Variants in SPOCK1 observed in about 807,000 individuals in gnomAD.
The protein encoded by SPOCK1 is SPARC (osteonectin), cwcv and kazal like domains proteoglycan 1.
In SPOCK1, 23 loss-of-function variants were observed where a neutral mutation model predicts 55.3. The observed-to-expected ratio is 0.42, with a 90% CI of 0.30 to 0.59. The LOEUF is 0.59. SPOCK1 is among the 20% of genes least tolerant of loss of function. SPOCK1 has a pLI of 0.22. For missense variants in SPOCK1, 499 were observed against 552.5 expected (o/e 0.90, Z 0.97); for synonymous variants, 226 against 221.0 (o/e 1.02, Z -0.20).
intron 2 of SPOCK1, among the ~76,000 whole-genome samples, chr5:137,356,873 A>AGAGAGAGAGAGAGAGAGAGAGAGAGTGT (rs796667572): frequency 1.4e-5 from 1 of 69,824 alleles, no homozygotes; most frequent in African/African-American, 7.3e-5. Context: ...AGAGAGAGAG[A>AGAGAGAGAGAGAGAGAGAGAGAGAGTGT]GAGTATGCAG....
At chr5:137,327,385 C>T (rs1214415738) in intron 2 of SPOCK1, among the ~76,000 whole-genome samples, 1 of 152,124 alleles carries the variant, frequency 6.6e-6, no homozygotes, top group East Asian at 1.9e-4. Flanking sequence ...TTTTTATAAT[C>T]TTATAAACAA....
chr5:137,333,655 T>C lies in SPOCK1; in HGVS notation c.187-66600A>G, dbSNP rs570996383. Among the ~76,000 whole-genome samples, 13 of 152,334 alleles carry C rather than the reference T, an allele frequency of 8.5e-5. 1 individual carries two copies. Among genetic ancestry groups the C allele is most frequent in the African/African-American group, 3.1e-4 (13 of 41,572 alleles). On this transcript the variant is annotated intron_variant, in intron 2 of 10. Coordinates refer to ENST00000394945, the MANE Select transcript of SPOCK1 (RefSeq NM_004598.4). ...AGTAAGAGATCCTTCAGAATTCAAG[T>C]GCTCAGGCACTGGTACTTGGCAAGG...
At position 137,118,734 on chromosome 5, in the gene SPOCK1, C is replaced by T. The variant is rs565762007; in HGVS notation, c.348-6173G>A. Among the ~76,000 whole-genome samples, 27 of 152,266 alleles carry T rather than the reference C, an allele frequency of 1.8e-4. No individual in the cohort carries two copies. In the South Asian group the frequency reaches 3.1e-3, roughly 18 times the overall value. ...TAATGGGGAAAGTAGCTGCTAAAAACGTGTAGAATTGCTGACTTTTTCTTT... is the reference window on the plus strand; with the variant it reads ...TAATGGGGAAAGTAGCTGCTAAAAATGTGTAGAATTGCTGACTTTTTCTTT... On this transcript the variant is annotated intron_variant, in intron 4 of 10. Coordinates refer to ENST00000394945, the MANE Select transcript of SPOCK1 (RefSeq NM_004598.4).
At chr5:137,428,929 A>G (rs1461394124) in intron 2 of SPOCK1, among the ~76,000 whole-genome samples, 1 of 152,084 alleles carries the variant, frequency 6.6e-6, no homozygotes, top group Non-Finnish European at 1.5e-5. Flanking sequence ...ACTCCCTCCA[A>G]CCTGAGTGCC....
At chr5:137,013,152 T>A (rs1432824102) in intron 6 of SPOCK1, among the ~76,000 whole-genome samples, 1 of 152,224 alleles carries the variant, frequency 6.6e-6, no homozygotes, top group Non-Finnish European at 1.5e-5. Flanking sequence ...TTTTCTCCTA[T>A]TGCCTATAGA....
At chr5:137,422,526 T>A (rs1752520779) in intron 2 of SPOCK1, among the ~76,000 whole-genome samples, 1 of 152,236 alleles carries the variant, frequency 6.6e-6, no homozygotes, top group Admixed American at 6.5e-5. Flanking sequence ...TCGCATCATT[T>A]CATTCATTTG....
At chr5:137,453,079 A>G (rs1190997645) in intron 2 of SPOCK1, among the ~76,000 whole-genome samples, 1 of 152,192 alleles carries the variant, frequency 6.6e-6, no homozygotes, top group African/African-American at 2.4e-5. Context: ...CCTCATTCAA[A>G]CCAAAGGCAA....
intron 2 of SPOCK1, among the ~76,000 whole-genome samples, chr5:137,378,552 T>A (rs536343976): frequency 6.6e-6 from 1 of 152,326 alleles, no homozygotes; most frequent in South Asian, 2.1e-4. Context: ...AGACCCTTCA[T>A]GGGAATGAGG....
chr5:137,221,641 C>G (rs1433934904), intron 3 of SPOCK1, among the ~76,000 whole-genome samples: 3 of 152,088 alleles, frequency 2.0e-5, no homozygotes, highest in African/African-American at 7.2e-5. Context: ...TTATTACAGC[C>G]ATGAGGGTCC....
At chr5:137,434,899 T>G (rs915204686) in intron 2 of SPOCK1, among the ~76,000 whole-genome samples, 3 of 152,186 alleles carry the variant, frequency 2.0e-5, no homozygotes, top group Admixed American at 6.5e-5. Flanking sequence ...TAATAAGTAT[T>G]CTATGAAGCA....
Position 137,356,797 on chromosome 5 carries a change from TAATATA to T in SPOCK1, c.187-89748_187-89743del, listed in dbSNP as rs1440402387. Among the ~76,000 whole-genome samples, 166 of 24,314 alleles carry T rather than the reference TAATATA, an allele frequency of 6.8e-3. 10 individuals carry two copies. Among genetic ancestry groups the T allele is most frequent in the Admixed American group, 0.013 (21 of 1,592 alleles). 16.0% of individuals were successfully genotyped at this position (24,314 alleles called of 152,430 possible). A position where few individuals can be genotyped will look rare whatever the true frequency, so the allele number is the denominator to read the frequency against. On this transcript the variant is annotated intron_variant, in intron 2 of 10. Coordinates refer to ENST00000394945, the MANE Select transcript of SPOCK1 (RefSeq NM_004598.4). ...TAGAGCAAGACTGTCTCAAAAAAAA[TAATATA>T]TATATATATATATATATATATATAT...
At chr5:137,491,087 G>A (rs1754165887) in intron 2 of SPOCK1, among the ~76,000 whole-genome samples, 1 of 152,254 alleles carries the variant, frequency 6.6e-6, no homozygotes, top group East Asian at 1.9e-4. Context: ...TCTGTGCCAC[G>A]TGCTTACTCA....
intron 2 of SPOCK1, among the ~76,000 whole-genome samples, chr5:137,330,114 A>G (rs1758143637): frequency 6.6e-6 from 1 of 152,168 alleles, no homozygotes; most frequent in Admixed American, 6.5e-5. Flanking sequence ...CGAGCTGCCC[A>G]AAGCACAGGA....
intron 3 of SPOCK1, among the ~76,000 whole-genome samples, chr5:137,189,909 G>A (rs1015667008): frequency 6.6e-6 from 1 of 151,878 alleles, no homozygotes; most frequent in African/African-American, 2.4e-5. Flanking sequence ...AATGCTCATG[G>A]GCGACTTTGA....
At chr5:137,314,449 C>A (rs983229226) in intron 2 of SPOCK1, among the ~76,000 whole-genome samples, 4 of 152,172 alleles carry the variant, frequency 2.6e-5, no homozygotes, top group African/African-American at 9.7e-5. Flanking sequence ...CATAACAAAC[C>A]TGTACTGCAA....
At chr5:136,985,257 A>G in intron 8 of SPOCK1, 55 bp from the exon 9 acceptor site, 1 of 1,479,368 alleles carries the variant, frequency 6.8e-7, no homozygotes, top group Non-Finnish European at 9.5e-7. Flanking sequence ...ATAATCGCTA[A>G]TGATTGACTT....
At chr5:137,377,285 G>C (rs1277338398) in intron 2 of SPOCK1, among the ~76,000 whole-genome samples, 1 of 152,256 alleles carries the variant, frequency 6.6e-6, no homozygotes, top group East Asian at 1.9e-4. Context: ...GGGAGAATCT[G>C]ATGCCTCTGC....
At chr5:137,440,818 A>T (rs1249896370) in intron 2 of SPOCK1, among the ~76,000 whole-genome samples, 1 of 152,242 alleles carries the variant, frequency 6.6e-6, no homozygotes, top group Non-Finnish European at 1.5e-5. Flanking sequence ...CAGAAAAAAT[A>T]AGCCTGTCTA....
At chr5:137,205,116 A>G (rs1020725021) in intron 3 of SPOCK1, among the ~76,000 whole-genome samples, 1 of 152,048 alleles carries the variant, frequency 6.6e-6, no homozygotes, top group Non-Finnish European at 1.5e-5. Context: ...TTACCAGTTG[A>G]TCTCCCCACT....
Sources: allele counts gnomAD v4.1 joint callset (sites outside exome capture counted in the v4.1 genomes callset), GRCh38; gene constraint gnomAD v4.1.1; transcripts MANE v1.5; gene names NCBI Gene and HGNC (gene_info 2026-07-23, HGNC 2026-07-21).